The following WIF1 variants were observed in gnomAD, a reference collection of about 807,000 sequenced individuals.
WIF1 encodes the protein Wnt inhibitory factor 1.
Under a neutral mutation model 53.5 loss-of-function variants are expected in WIF1, and 35 were observed. That is an observed-to-expected ratio of 0.65 (90% CI 0.50 to 0.87). WIF1 has a LOEUF of 0.87. Among genes scored for constraint, WIF1 ranks in the 40% least tolerant of loss-of-function variants. The pLI, the probability that WIF1 is intolerant of heterozygous loss-of-function variation, is 0.00. For synonymous variants in WIF1, 171 were observed against 170.4 expected, an observed-to-expected ratio of 1.00 and a Z score of -0.03; for missense variants, 467 against 476.8, an observed-to-expected ratio of 0.98 and a Z score of 0.19.
chr12:65,095,982 C>A (rs975460150), intron 2 of WIF1: 4 of 152,082 alleles, frequency 2.6e-5, no homozygotes, highest in African/African-American at 7.2e-5. Flanking sequence ...ACTAAAACAC[C>A]AAAAGCAATT....
chr12:65,055,531 G>T lies in WIF1; in HGVS notation c.923-318C>A, dbSNP rs558136425. 1.5e-4 allele frequency among the ~76,000 whole-genome samples: 23 copies of T among 152,330 alleles called. No homozygotes were observed. In the South Asian group the frequency reaches 2.9e-3, roughly 19 times the overall value. On this transcript the variant is annotated intron_variant, in intron 8 of 9. Coordinates refer to ENST00000286574, the MANE Select transcript of WIF1 (RefSeq NM_007191.5). The stretch of plus-strand genomic sequence containing the variant: ...TCATGCCTGTAATCCCAACACTTTG[G>T]GGGGCTGAGGCAGGTGGATCACGAG...
chr12:65,120,278 A>G, intron 2 of WIF1, 139 bp downstream of exon 2: 1 of 903,988 alleles, frequency 1.1e-6, no homozygotes, highest in Non-Finnish European at 1.6e-6. Context: ...ATGGAAATTA[A>G]TTCTTTATTT....
chr12:65,070,963 C>T (rs58309131), intron 3 of WIF1, among the ~76,000 whole-genome samples: 6,010 of 151,956 alleles, frequency 0.04, 278 homozygotes, highest in African/African-American at 0.11. Context: ...ATTTACAAAT[C>T]ACAGGCTCAC....
chr12:65,061,341 G>A (rs765836210), intron 7 of WIF1, among the ~76,000 whole-genome samples: 3 of 152,110 alleles, frequency 2.0e-5, no homozygotes, highest in Non-Finnish European at 2.9e-5. Context: ...ACACTGTTCG[G>A]CTGTACCAAA....
At chr12:65,119,277 A>G (rs1883560172) in intron 2 of WIF1, among the ~76,000 whole-genome samples, 1 of 152,220 alleles carries the variant, frequency 6.6e-6, no homozygotes, top group South Asian at 2.1e-4. Context: ...AAATGGGGGT[A>G]TTAACAATAG....
chr12:65,105,849 C>T (rs1364287667), intron 2 of WIF1, among the ~76,000 whole-genome samples: 2 of 152,156 alleles, frequency 1.3e-5, no homozygotes, highest in Non-Finnish European at 2.9e-5. Context: ...ACAAACCACA[C>T]CTAAACCATT....
rs1218889183 is a variant in WIF1, at chr12:65,120,448, G to A, written c.257C>T (p.Ser86Phe). 1.9e-6 allele frequency: 3 copies of A among 1,613,420 alleles called. No homozygotes were observed. The South Asian group carries it at 3.3e-5, about 18-fold the overall frequency. ...TGCAGCTTGCCAGGTAAAATTCATGGAATGGATATTGACAGGAATAGCTGG... is the reference window on the plus strand; with the variant it reads ...TGCAGCTTGCCAGGTAAAATTCATGAAATGGATATTGACAGGAATAGCTGG... ...RMPAIPVNIHSMNFTWQAAGQ... is the reference protein window; with the variant it reads ...RMPAIPVNIHFMNFTWQAAGQ... The change falls in exon 2 of 10, where the codon TCC becomes TTC. Residue 86 changes from serine to phenylalanine, a missense_variant. By Grantham distance (155) the Ser-to-Phe change is radical. Coordinates refer to ENST00000286574, the MANE Select transcript of WIF1 (RefSeq NM_007191.5).
intron 3 of WIF1, among the ~76,000 whole-genome samples, chr12:65,074,193 T>G (rs1444175091): frequency 6.6e-6 from 1 of 151,922 alleles, no homozygotes; most frequent in Non-Finnish European, 1.5e-5. Flanking sequence ...TTTATTTTTT[T>G]TATTATACTT....
chr12:65,098,117 T>C (rs1883231160), intron 2 of WIF1, among the ~76,000 whole-genome samples: 1 of 152,126 alleles, frequency 6.6e-6, no homozygotes, highest in Non-Finnish European at 1.5e-5. Flanking sequence ...ATAAAATAAG[T>C]CAATTTATGA....
At chr12:65,104,639 G>T (rs1883328580) in intron 2 of WIF1, among the ~76,000 whole-genome samples, 1 of 152,120 alleles carries the variant, frequency 6.6e-6, no homozygotes, top group Non-Finnish European at 1.5e-5. Flanking sequence ...AAAATAATAA[G>T]CACAATGACT....
rs11433448 is a variant in WIF1, at chr12:65,086,150, G to GAA, written c.289-8298_289-8297dup. Among the ~76,000 whole-genome samples, 29 of 148,604 alleles carry GAA rather than the reference G, an allele frequency of 2.0e-4. No homozygotes were observed. The East Asian group carries it at 2.0e-3, about 10-fold the overall frequency. On this transcript the variant is annotated intron_variant, in intron 2 of 9. Transcript: ENST00000286574. ...ACTTTGTTCAGCTCATCTAAAAATT[G>GAA]AAAAAAAAAAGGTATTGGTATAAAT...
At chr12:65,078,315 G>C (rs1271810237) in intron 2 of WIF1, among the ~76,000 whole-genome samples, 1 of 152,166 alleles carries the variant, frequency 6.6e-6, no homozygotes, top group Non-Finnish European at 1.5e-5. Context: ...CTGACCTCAA[G>C]TCATCTGCCT....
chr12:65,120,892 G>T, intron 1 of WIF1, 152 bp downstream of exon 1: 1 of 1,118,280 alleles, frequency 8.9e-7, no homozygotes, highest in Non-Finnish European at 1.2e-6. Flanking sequence ...AAGTTTATAA[G>T]CTTTCAGATG....
rs1300963011 is a variant in WIF1 at position 65,051,107 on chromosome 12, A to G, written c.*242T>C. On this transcript the variant is annotated 3_prime_UTR_variant, in exon 10 of 10. Coordinates refer to ENST00000286574, the MANE Select transcript of WIF1 (RefSeq NM_007191.5). ...CACACTGAAAATTTTAACCTGATCA[A>G]TTGACATAATATAAAATCTGTCCCA... 8.1e-6 allele frequency: 3 copies of G among 369,732 alleles called. No individual in the cohort carries two copies. The East Asian group carries it at 1.3e-4, about 16-fold the overall frequency. The allele number at this position is 369,732 out of a possible 1,614,324, so 22.9% of individuals were successfully genotyped here. A position where few individuals can be genotyped will look rare whatever the true frequency, so the allele number is the denominator to read the frequency against.
At chr12:65,112,450 A>ACACACC (rs1465604431) in intron 2 of WIF1, among the ~76,000 whole-genome samples, 6 of 148,234 alleles carry the variant, frequency 4.0e-5, no homozygotes, top group Non-Finnish European at 5.9e-5. Flanking sequence ...ACACACACAC[A>ACACACC]CCATCCTGGA....
chr12:65,077,753 C>T lies in WIF1; in HGVS notation c.390G>A (p.Lys130=). The T allele has an allele frequency of 6.2e-7, 1 of 1,612,886 alleles. No homozygotes were observed. The highest frequency in any genetic ancestry group is 8.5e-7 in the Non-Finnish European group (1 of 1,179,138). Residue 130 remains lysine, a synonymous_variant, in exon 3 of 10, where the codon AAG becomes AAA. Coordinates refer to ENST00000286574, the MANE Select transcript of WIF1 (RefSeq NM_007191.5). ...CAGGCAAAGACCACCCACCTGATGC[C>T]TTGTGAGGCACTGTTCCCAGCAGAG... ...NVPLLGTVPH[K]ASVVQVGFPC... is the part of the protein sequence containing the mutation.
intron 9 of WIF1, 60 bp downstream of exon 9, chr12:65,055,058 C>T (rs1882502389): frequency 6.4e-7 from 1 of 1,563,884 alleles, no homozygotes; most frequent in Non-Finnish European, 8.8e-7. Flanking sequence ...CTTCTGGTCT[C>T]CCACTCACTT....
intron 2 of WIF1, among the ~76,000 whole-genome samples, chr12:65,089,590 C>T (rs1409235302): frequency 6.6e-6 from 1 of 152,178 alleles, no homozygotes; most frequent in Non-Finnish European, 1.5e-5. Context: ...TCTTCTCCCA[C>T]ATCCTGCCTC....
At chr12:65,112,520 G>T (rs928348277) in intron 2 of WIF1, among the ~76,000 whole-genome samples, 1 of 150,910 alleles carries the variant, frequency 6.6e-6, no homozygotes, top group African/African-American at 2.4e-5. Flanking sequence ...GCTAAATGAG[G>T]GTTGTGGAAA....
Sources: gnomAD v4.1 joint callset for allele counts (sites outside exome capture counted in the v4.1 genomes callset) on GRCh38, gnomAD v4.1.1 for gene constraint, MANE v1.5 for transcripts, NCBI Gene and HGNC (gene_info 2026-07-23, HGNC 2026-07-21) for gene names.